The following XRN2 variants were observed in gnomAD, a reference collection of about 807,000 sequenced individuals.
XRN2 encodes 5'-3' exoribonuclease 2, also known as DHM1-like protein.
A neutral mutation model predicts 138.5 loss-of-function variants in XRN2; 44 were observed. The observed-to-expected ratio is 0.32, with a 90% CI of 0.25 to 0.41. The LOEUF is 0.41. Ranked by LOEUF, XRN2 falls within the 10% of genes least tolerant of loss-of-function variation. The pLI, the probability that XRN2 is intolerant of heterozygous loss-of-function variation, is 1.00. For synonymous variants in XRN2, 354 were observed against 369.4 expected (o/e 0.96, Z 0.48); for missense variants, 937 against 1,169.3 (o/e 0.80, Z 2.90).
Position 21,356,164 on chromosome 20 carries a change from C to G in XRN2, c.2105C>G (p.Thr702Arg), listed in dbSNP as rs1301603219. ...LHDFILELYQ[T>R]GSTEPVEVPP... is the part of the protein sequence containing the mutation. ...GACTTCATTTTAGAGCTGTACCAGACAGGTTCCACAGAGGTATGTTACGCA... is the reference window on the plus strand; with the variant it reads ...GACTTCATTTTAGAGCTGTACCAGAGAGGTTCCACAGAGGTATGTTACGCA... The change falls in exon 22 of 30, where the codon ACA becomes AGA. Residue 702 changes from threonine (T) to arginine (R), a missense_variant. By Grantham distance (71) the Thr-to-Arg change is moderately conservative (BLOSUM62 -1). This residue lies in a region of XRN2 where 372 missense variants were observed against 414.4 expected (regional missense o/e 0.90). Transcript: ENST00000377191. The G allele has an allele frequency of 1.3e-5, 21 of 1,607,684 alleles. No individual in the cohort carries two copies. The highest frequency in any genetic ancestry group is 1.7e-5 in the Non-Finnish European group (20 of 1,177,570).
intron 13 of XRN2, 138 bp from the exon 14 acceptor site, chr20:21,338,906 G>A: frequency 1.4e-6 from 1 of 721,520 alleles, no homozygotes; most frequent in Non-Finnish European, 2.4e-6. Context: ...TAGTCTTATT[G>A]CCTGGTTTAA....
At chr20:21,317,351 T>C (rs1171537501) in intron 1 of XRN2, among the ~76,000 whole-genome samples, 3 of 152,196 alleles carry the variant, frequency 2.0e-5, no homozygotes, top group Non-Finnish European at 4.4e-5. Flanking sequence ...GCTTTTTCTA[T>C]ATGAAGATGA....
chr20:21,303,986 TTTG>T (rs1447354027), intron 1 of XRN2: 4 of 450,648 alleles, frequency 8.9e-6, no homozygotes, highest in African/African-American at 8.5e-5. Context: ...TTCAGGACCA[TTTG>T]TTGTTCTGGT....
chr20:21,356,412 T>C (rs2038576567), intron 22 of XRN2, among the ~76,000 whole-genome samples, 174 bp from the exon 23 acceptor site: 1 of 152,204 alleles, frequency 6.6e-6, no homozygotes. Context: ...TACCTTTTTA[T>C]GGCTGAATAA....
rs1316079219 is a variant in XRN2 at position 21,370,512 on chromosome 20, G to A, written c.2584+1922G>A. The stretch of plus-strand genomic sequence containing the variant: ...TAATTAAATCAGATATGGTAGATAT[G>A]GATCGTCATCACTTAGTTGCCTGAA... On this transcript the variant is annotated intron_variant, in intron 27 of 29. Coordinates refer to ENST00000377191, the MANE Select transcript of XRN2 (RefSeq NM_012255.5). Among the ~76,000 whole-genome samples, 3 of 152,138 alleles carry A rather than the reference G, an allele frequency of 2.0e-5. No individual in the cohort carries two copies. The East Asian group carries it at 5.8e-4, about 29-fold the overall frequency.
At chr20:21,379,697 G>GAC (rs1231957107) in intron 27 of XRN2, among the ~76,000 whole-genome samples, 1 of 152,170 alleles carries the variant, frequency 6.6e-6, no homozygotes, top group African/African-American at 2.4e-5. Flanking sequence ...GTATAGGTTA[G>GAC]ACAACTAGTT....
At chr20:21,368,402 CTG>C (rs2038726176) in intron 26 of XRN2, 59 bp from the exon 27 acceptor site, 2 of 1,584,440 alleles carry the variant, frequency 1.3e-6, no homozygotes, top group African/African-American at 1.4e-5. Context: ...TTTGTGTCAG[CTG>C]TGTTATGATG....
chr20:21,349,603 C>T (rs541033726), intron 20 of XRN2, 142 bp downstream of exon 20: 19 of 697,894 alleles, frequency 2.7e-5, no homozygotes, highest in African/African-American at 2.3e-4. Flanking sequence ...ATTAGCCTGG[C>T]GTGGTGGCTT....
chr20:21,357,620 G>T, intron 23 of XRN2, 116 bp from the exon 24 acceptor site: 1 of 710,442 alleles, frequency 1.4e-6, no homozygotes, highest in Non-Finnish European at 2.2e-6. Context: ...GTTTTTGTTA[G>T]TGCATTCTAA....
chr20:21,329,979 C>T (rs1047531898), intron 4 of XRN2, among the ~76,000 whole-genome samples: 1 of 151,518 alleles, frequency 6.6e-6, no homozygotes, highest in African/African-American at 2.4e-5. Context: ...GTTTTACAGT[C>T]TTATTAAAAC....
chr20:21,325,675 A>G lies in XRN2; in HGVS notation c.76-604A>G, dbSNP rs76860246. On this transcript the variant is annotated intron_variant, in intron 1 of 29. Coordinates refer to ENST00000377191, the MANE Select transcript of XRN2 (RefSeq NM_012255.5). Reference sequence around the variant, plus strand: ...AGAGTGAGTGGGCTTCAACAATAGTATGGCAGGATAGGAGACTAGGAAGGC... The same window carrying G: ...AGAGTGAGTGGGCTTCAACAATAGTGTGGCAGGATAGGAGACTAGGAAGGC... 5.7e-3 allele frequency among the ~76,000 whole-genome samples: 870 copies of G among 152,356 alleles called. 8 individuals are homozygous for G. The highest frequency in any genetic ancestry group is 0.018 in the African/African-American group (746 of 41,594).
chr20:21,364,796 A>G (rs923436828), intron 24 of XRN2, among the ~76,000 whole-genome samples: 4 of 143,816 alleles, frequency 2.8e-5, no homozygotes, highest in African/African-American at 5.1e-5. Context: ...ACAGGGCGAG[A>G]CCTGTCTCAA....
intron 1 of XRN2, among the ~76,000 whole-genome samples, chr20:21,316,482 A>G (rs867931895): frequency 1.3e-5 from 2 of 152,112 alleles, no homozygotes; most frequent in East Asian, 1.9e-4. Flanking sequence ...GTGTGAAGTA[A>G]TAGTCCAGCT....
At chr20:21,381,612 A>G (rs2038883822) in intron 27 of XRN2, among the ~76,000 whole-genome samples, 1 of 152,162 alleles carries the variant, frequency 6.6e-6, no homozygotes, top group African/African-American at 2.4e-5. Context: ...GTTTGTATTA[A>G]TTCTATTTAT....
intron 14 of XRN2, among the ~76,000 whole-genome samples, chr20:21,340,330 C>T (rs6047386): frequency 6.6e-6 from 1 of 152,054 alleles, no homozygotes; most frequent in Non-Finnish European, 1.5e-5. Context: ...GTTGTATTTC[C>T]TAAGTATAAC....
chr20:21,333,453 G>A (rs952634211), intron 9 of XRN2, 91 bp from the exon 10 acceptor site: 10 of 1,251,274 alleles, frequency 8.0e-6, no homozygotes, highest in Admixed American at 1.7e-5. Context: ...AAAATGGATT[G>A]TGCGTTAGAA....
At chr20:21,335,967 A>G (rs935526098) in intron 13 of XRN2, among the ~76,000 whole-genome samples, 6 of 152,216 alleles carry the variant, frequency 3.9e-5, no homozygotes, top group African/African-American at 1.4e-4. Context: ...AAAACGCAAT[A>G]GGAAAGTTTC....
chr20:21,303,705 C>G (rs892612943), intron 1 of XRN2: 3 of 1,262,322 alleles, frequency 2.4e-6, no homozygotes, highest in African/African-American at 1.6e-5. Context: ...TATAGGGTTC[C>G]GAACTCGCAG....
chr20:21,347,514 ACT>A (rs2038451159), intron 17 of XRN2, among the ~76,000 whole-genome samples: 1 of 152,084 alleles, frequency 6.6e-6, no homozygotes, highest in Non-Finnish European at 1.5e-5. Context: ...ACCGTTAAGT[ACT>A]CTGTTTGCGT....
Sources: gnomAD v4.1 joint callset for allele counts (sites outside exome capture counted in the v4.1 genomes callset) on GRCh38, gnomAD v4.1.1 for gene constraint, gnomAD v4.1.1 regional missense constraint, MANE v1.5 for transcripts, NCBI Gene and HGNC (gene_info 2026-07-23, HGNC 2026-07-21) for gene names.